Variants in DIP2B observed in about 807,000 individuals in gnomAD.
DIP2B encodes the protein DIP2 acetate--CoA ligase B (putative), also known as disco-interacting protein 2 homolog B.
In DIP2B, 76 loss-of-function variants were observed where a neutral mutation model predicts 198.0. The ratio of observed to expected loss-of-function variants is 0.38; its 90% CI spans 0.32 to 0.46. DIP2B has a LOEUF of 0.46. DIP2B is among the 20% of genes least tolerant of loss of function. The pLI, the probability that DIP2B is intolerant of heterozygous loss-of-function variation, is 0.99. For missense variants in DIP2B, 1,559 were observed against 1,978.4 expected (o/e 0.79, Z 4.02); for synonymous variants, 701 against 739.1 (o/e 0.95, Z 0.84).
intron 3 of DIP2B, among the ~76,000 whole-genome samples, chr12:50,656,119 A>T (rs1938550459): frequency 2.0e-5 from 3 of 152,224 alleles, no homozygotes; most frequent in African/African-American, 2.4e-5. Context: ...ATGATATTGA[A>T]TTGGAAATGG....
rs1939778719 is a variant in DIP2B at position 50,718,695 on chromosome 12, G to C, written c.2852-14G>C. 1.1e-5 allele frequency: 18 copies of C among 1,612,264 alleles called. No individual in the cohort carries two copies. The highest frequency in any genetic ancestry group is 1.5e-5 in the Non-Finnish European group (18 of 1,178,702). On this transcript the variant is annotated splice_polypyrimidine_tract_variant and intron_variant, in intron 23 of 37. Transcript: ENST00000301180. ...CGCCATCTCCAGTGAGTTGGGTTTT[G>C]CATTTATTTACAGGTGTAGGCCCTG...
At chr12:50,604,499 G>T (rs1432526005) in intron 1 of DIP2B, among the ~76,000 whole-genome samples, 2 of 152,028 alleles carry the variant, frequency 1.3e-5, no homozygotes, top group Non-Finnish European at 1.5e-5. Context: ...TGACATCCAG[G>T]CTTCAGTACA....
At chr12:50,690,311 C>A (rs1274693352) in intron 12 of DIP2B, among the ~76,000 whole-genome samples, 1 of 152,194 alleles carries the variant, frequency 6.6e-6, no homozygotes, top group Non-Finnish European at 1.5e-5. Context: ...TGGTCTCGAT[C>A]TCCTGACCTT....
intron 1 of DIP2B, among the ~76,000 whole-genome samples, chr12:50,559,071 T>C (rs527658972): frequency 6.6e-6 from 1 of 152,178 alleles, no homozygotes; most frequent in African/African-American, 2.4e-5. Flanking sequence ...CTCTTCCAAT[T>C]TGTATATAAT....
At chr12:50,688,228 T>C (rs1939164488) in intron 12 of DIP2B, among the ~76,000 whole-genome samples, 1 of 152,056 alleles carries the variant, frequency 6.6e-6, no homozygotes, top group Non-Finnish European at 1.5e-5. Flanking sequence ...CCCAGCACTT[T>C]GGAAGGCCAA....
Position 50,675,340 on chromosome 12 carries a change from A to G in DIP2B, c.808A>G (p.Ser270Gly). 1 of 1,612,528 alleles carries G rather than the reference A, an allele frequency of 6.2e-7. No individual in the cohort carries two copies. Among genetic ancestry groups the G allele is most frequent in the Non-Finnish European group, 8.5e-7 (1 of 1,178,946 alleles). ...TTTTTCCCTTATAGGTGTTCCTGTC[A>G]GTAGCAGAGTATCTACAAAAATCCA... The part of the protein sequence containing the change: ...LMDTADGVPV[S>G]SRVSTKIQQL... Residue 270 changes from serine (S) to glycine (G), a missense_variant, in exon 7 of 38, where the codon AGT becomes GGT. By Grantham distance (56) the Ser-to-Gly change is moderately conservative. Coordinates refer to ENST00000301180, the MANE Select transcript of DIP2B (RefSeq NM_173602.3).
chr12:50,562,962 A>G (rs553121800), intron 1 of DIP2B, among the ~76,000 whole-genome samples: 7 of 152,286 alleles, frequency 4.6e-5, no homozygotes, highest in East Asian at 1.9e-4. Context: ...TTTAAAACCA[A>G]TATCTCAGTT....
chr12:50,633,371 CT>C (rs940310210), intron 2 of DIP2B: 86 of 152,256 alleles, frequency 5.6e-4, no homozygotes, highest in African/African-American at 2.0e-3. Context: ...TGCGTTTCAT[CT>C]TTTTAGAACA....
chr12:50,507,965 C>T (rs529181417), intron 1 of DIP2B, among the ~76,000 whole-genome samples: 43 of 151,370 alleles, frequency 2.8e-4, no homozygotes, highest in Non-Finnish European at 5.9e-4. Context: ...TAGCAATAAT[C>T]TGAGCTGTAT....
Position 50,511,612 on chromosome 12 carries a change from A to G in DIP2B, c.100+6372A>G, listed in dbSNP as rs546117645. 7.9e-5 allele frequency among the ~76,000 whole-genome samples: 12 copies of G among 151,716 alleles called. No individual in the cohort carries two copies. In the South Asian group the frequency reaches 2.5e-3, roughly 32 times the overall value. Reference sequence around the variant, plus strand: ...CGGGCCAATCATGTATTTTCTAAGTATTTAAATTGCTTTTCATTTTATCTC... The same window carrying G: ...CGGGCCAATCATGTATTTTCTAAGTGTTTAAATTGCTTTTCATTTTATCTC... On this transcript the variant is annotated intron_variant, in intron 1 of 37. Coordinates refer to ENST00000301180, the MANE Select transcript of DIP2B (RefSeq NM_173602.3).
chr12:50,698,818 A>G (rs953342327), intron 18 of DIP2B, among the ~76,000 whole-genome samples: 7 of 152,218 alleles, frequency 4.6e-5, no homozygotes, highest in Non-Finnish European at 5.9e-5. Context: ...GCCTAAGGGT[A>G]ACACCTCATT....
At chr12:50,558,905 C>A (rs1357535302) in intron 1 of DIP2B, among the ~76,000 whole-genome samples, 1 of 152,178 alleles carries the variant, frequency 6.6e-6, no homozygotes, top group East Asian at 1.9e-4. Context: ...TAAGAAAAGA[C>A]TCCAGAGCCT....
intron 20 of DIP2B, among the ~76,000 whole-genome samples, chr12:50,704,825 G>A (rs753090822): frequency 2.5e-4 from 38 of 152,172 alleles, no homozygotes; most frequent in Non-Finnish European, 5.0e-4. Context: ...TTAGCTGGGT[G>A]TGGTAGCATG....
At chr12:50,687,503 C>A (rs1396382419) in intron 12 of DIP2B, among the ~76,000 whole-genome samples, 1 of 152,062 alleles carries the variant, frequency 6.6e-6, no homozygotes, top group Non-Finnish European at 1.5e-5. Flanking sequence ...GCCTTGAACA[C>A]TGTGGTGATA....
intron 1 of DIP2B, among the ~76,000 whole-genome samples, chr12:50,540,981 A>T (rs562509299): frequency 2.4e-4 from 36 of 152,326 alleles, no homozygotes; most frequent in Non-Finnish European, 4.4e-4. Context: ...ATTCTTTTAT[A>T]GACGTCTTTG....
intron 1 of DIP2B, among the ~76,000 whole-genome samples, chr12:50,563,290 G>A (rs1476331307): frequency 1.3e-5 from 2 of 152,132 alleles, no homozygotes; most frequent in African/African-American, 4.8e-5. Flanking sequence ...GGGCTCAAAC[G>A]ATTCTTCCAC....
chr12:50,560,221 C>T (rs977859900), intron 1 of DIP2B, among the ~76,000 whole-genome samples: 8 of 151,708 alleles, frequency 5.3e-5, no homozygotes, highest in South Asian at 2.1e-4. Context: ...AGTGAAACCC[C>T]GTCTCTACTA....
At chr12:50,701,753 T>C (rs1279008490) in intron 19 of DIP2B, among the ~76,000 whole-genome samples, 1 of 152,100 alleles carries the variant, frequency 6.6e-6, no homozygotes, top group Non-Finnish European at 1.5e-5. Flanking sequence ...GAAAAACTTT[T>C]GTGACATGTA....
intron 1 of DIP2B, among the ~76,000 whole-genome samples, chr12:50,556,449 C>CAGGT (rs2139392378): frequency 6.6e-6 from 1 of 152,128 alleles, no homozygotes; most frequent in South Asian, 2.1e-4. Context: ...ACTATGAAGA[C>CAGGT]AGGTATTTAC....
Sources: gnomAD v4.1 joint callset for allele counts (sites outside exome capture counted in the v4.1 genomes callset) on GRCh38, gnomAD v4.1.1 for gene constraint, MANE v1.5 for transcripts, NCBI Gene and HGNC (gene_info 2026-07-23, HGNC 2026-07-21) for gene names.